The following HSPA12B variants were observed in gnomAD, a reference collection of about 807,000 sequenced individuals.
HSPA12B encodes the protein heat shock 70 kDa protein 12B.
A neutral mutation model predicts 69.3 loss-of-function variants in HSPA12B; 54 were observed. The ratio of observed to expected loss-of-function variants is 0.78; its 90% confidence interval spans 0.63 to 0.98. The LOEUF is 0.98. HSPA12B is among the 50% of genes least tolerant of loss of function. The pLI is 0.00. For missense variants in HSPA12B, 929 were observed against 999.8 expected (o/e 0.93, Z 0.96); for synonymous variants, 441 against 436.5 (o/e 1.01, Z -0.13).
intron 7 of HSPA12B, among the ~76,000 whole-genome samples, chr20:3,746,459 C>A (rs1460411718): frequency 2.6e-5 from 4 of 151,964 alleles, no homozygotes; most frequent in Non-Finnish European, 5.9e-5. Context: ...CCCGCCACCA[C>A]GCCCGGCTAA....
At position 3,750,869 on chromosome 20, in the gene HSPA12B, T is replaced by A; in HGVS notation, c.1367T>A (p.Leu456His). ...ATGTCTTGTGAAGCCATGAACGAGCTCTTTCAGCCCACCGTCAGCGGGATC... is the reference window on the plus strand; with the variant it reads ...ATGTCTTGTGAAGCCATGAACGAGCACTTTCAGCCCACCGTCAGCGGGATC... ...LRMSCEAMNELFQPTVSGIIQ... is the reference protein window; with the variant it reads ...LRMSCEAMNEHFQPTVSGIIQ... The change falls in exon 12 of 13, where the codon CTC becomes CAC. Residue 456 changes from leucine (L) to histidine (H), a missense_variant. By Grantham distance (99) the Leu-to-His change is moderately conservative. This residue lies in a region of HSPA12B where 448 missense variants were observed against 448.1 expected (regional missense o/e 1.00). Coordinates refer to ENST00000254963, the MANE Select transcript of HSPA12B (RefSeq NM_052970.5). The A allele has an allele frequency of 6.2e-7, 1 of 1,613,984 alleles. No homozygotes were observed. Among genetic ancestry groups the A allele is most frequent in the Non-Finnish European group, 8.5e-7 (1 of 1,180,018 alleles).
At chr20:3,743,820 C>T (rs913122888) in intron 4 of HSPA12B, among the ~76,000 whole-genome samples, 6 of 151,664 alleles carry the variant, frequency 4.0e-5, no homozygotes, top group African/African-American at 1.5e-4. Flanking sequence ...GGGTAGATTC[C>T]TAGAGGTGAT....
chr20:3,734,179 C>T (rs565413178), intron 1 of HSPA12B, among the ~76,000 whole-genome samples: 10 of 152,172 alleles, frequency 6.6e-5, no homozygotes, highest in Admixed American at 1.3e-4. Context: ...AAAAAAGGAG[C>T]GGGAGTGGGG....
chr20:3,746,597 C>T (rs533024607), intron 7 of HSPA12B, among the ~76,000 whole-genome samples: 2 of 151,810 alleles, frequency 1.3e-5, no homozygotes, highest in East Asian at 3.9e-4. Flanking sequence ...CCACCGCGCC[C>T]GGCCAAGATG....
chr20:3,752,764 G>A lies in HSPA12B; in HGVS notation c.*598G>A, dbSNP rs1312065049. 1 of 153,870 alleles carries A rather than the reference G, an allele frequency of 6.5e-6. No homozygotes were observed. The highest frequency in any genetic ancestry group is 2.4e-5 in the African/African-American group (1 of 41,446). 9.5% of individuals were successfully genotyped at this position (153,870 alleles called of 1,614,324 possible). On this transcript the variant is annotated 3_prime_UTR_variant, in exon 13 of 13. Coordinates refer to ENST00000254963, the MANE Select transcript of HSPA12B (RefSeq NM_052970.5). The stretch of plus-strand genomic sequence containing the variant: ...GAAAGGGCAGTAGATCTCTAATGTG[G>A]AGGTGGGAACATTATTGTGGTGGAG...
At chr20:3,743,963 AGTT>A (rs1254516551) in intron 4 of HSPA12B, among the ~76,000 whole-genome samples, 2 of 152,336 alleles carry the variant, frequency 1.3e-5, no homozygotes, top group Admixed American at 6.5e-5. Flanking sequence ...CAAGTCACAC[AGTT>A]GTTTTGAAAG....
At position 3,751,576 on chromosome 20, in the gene HSPA12B, G is replaced by C; in HGVS notation, c.1471G>C (p.Glu491Gln). ...KLLFLVGGFAESAVLQHAVQA... is the reference protein window; with the variant it reads ...KLLFLVGGFAQSAVLQHAVQA... ...GCTGTTCCTAGTGGGCGGCTTCGCC[G>C]AGTCAGCGGTGCTGCAGCACGCGGT... Residue 491 changes from glutamate (E) to glutamine (Q), a missense_variant, in exon 13 of 13, where the codon GAG becomes CAG. Coordinates refer to ENST00000254963, the MANE Select transcript of HSPA12B (RefSeq NM_052970.5). 3 of 1,497,070 alleles carry C rather than the reference G, an allele frequency of 2.0e-6. No individual in the cohort carries two copies. Among genetic ancestry groups the C allele is most frequent in the Non-Finnish European group, 8.9e-7 (1 of 1,125,678 alleles). The allele number at this position is 1,497,070 out of a possible 1,614,324, so 92.7% of individuals were successfully genotyped here.
chr20:3,748,313 C>A lies in HSPA12B; in HGVS notation c.772C>A (p.Leu258Ile). 6.2e-7 allele frequency: 1 copy of A among 1,611,840 alleles called. No homozygotes were observed. The highest frequency in any genetic ancestry group is 8.5e-7 in the Non-Finnish European group (1 of 1,179,100). Residue 258 changes from leucine to isoleucine, a missense_variant, in exon 8 of 13, where the codon CTC (leucine) becomes ATC (isoleucine). This residue lies in a region of HSPA12B where 477 missense variants were observed against 535.2 expected (regional missense o/e 0.89). Transcript: ENST00000254963. ...VYCRKLRLHQ[L>I]LDLSGRAPGG... The stretch of plus-strand genomic sequence containing the variant: ...CTGCCGCAAGCTGCGCCTGCACCAG[C>A]TCCTGGACCTGAGTGGCCGGGCCCC...
intron 7 of HSPA12B, among the ~76,000 whole-genome samples, chr20:3,747,868 G>T (rs1437192504): frequency 5.3e-5 from 8 of 152,242 alleles, no homozygotes; most frequent in African/African-American, 1.4e-4. Context: ...GCGCTCAGCT[G>T]GCCGCTTGTA....
In HSPA12B at chr20:3,750,243, G is replaced by C. The variant is rs1249209911; in HGVS notation, c.1301+16G>C. 6.4e-7 allele frequency: 1 copy of C among 1,570,932 alleles called. No individual in the cohort carries two copies. The highest frequency in any genetic ancestry group is 8.7e-7 in the Non-Finnish European group (1 of 1,154,168). On this transcript the variant is annotated intron_variant, in intron 11 of 12. Coordinates refer to ENST00000254963, the MANE Select transcript of HSPA12B (RefSeq NM_052970.5). ...GCAGGAGCAGGTGGGTCCTGAGCCCGCGGGCTCAGGCAGGGTTTGCCGACC... is the reference window on the plus strand; with the variant it reads ...GCAGGAGCAGGTGGGTCCTGAGCCCCCGGGCTCAGGCAGGGTTTGCCGACC...
chr20:3,745,969 T>C lies in HSPA12B; in HGVS notation c.613T>C (p.Leu205=), dbSNP rs1170749675. The part of the protein sequence containing the change: ...LPEKDTVRWV[L]TVPAIWKQPA... ...AGAGAAGGACACTGTGCGCTGGGTG[T>C]TGACGGTGCCTGCCATCTGGAAACA... Residue 205 remains leucine (L), a synonymous_variant, in exon 7 of 13, where the codon TTG becomes CTG. Transcript: ENST00000254963. The surrounding 1 kb of genome is among the most constrained non-coding windows in gnomAD (Gnocchi z 5.6). The C allele has an allele frequency of 1.2e-6, 2 of 1,613,902 alleles. No individual in the cohort carries two copies. Among genetic ancestry groups the C allele is most frequent in the African/African-American group, 2.7e-5 (2 of 74,922 alleles).
Position 3,743,528 on chromosome 20 carries a change from A to G in HSPA12B, c.266+1120A>G, listed in dbSNP as rs1393172195. On this transcript the variant is annotated intron_variant, in intron 4 of 12. Transcript: ENST00000254963. ...TATTTTTCTAAGCTTGTAGACAAAC[A>G]CACACATATACAAACATATATGTGT... 2.0e-5 allele frequency among the ~76,000 whole-genome samples: 3 copies of G among 152,178 alleles called. No homozygotes were observed. The East Asian group carries it at 5.8e-4, about 29-fold the overall frequency.
Position 3,745,941 on chromosome 20 carries a change from G to C in HSPA12B, c.585G>C (p.Leu195=), listed in dbSNP as rs780943685. 1 of 1,614,100 alleles carries C rather than the reference G, an allele frequency of 6.2e-7. No homozygotes were observed. The highest frequency in any genetic ancestry group is 8.5e-7 in the Non-Finnish European group (1 of 1,180,006). The part of the protein sequence containing the change: ...LQELREQSPS[L]PEKDTVRWVL... Reference sequence around the variant, plus strand: ...AGCTGAGGGAGCAGAGCCCATCGCTGCCAGAGAAGGACACTGTGCGCTGGG... The same window carrying C: ...AGCTGAGGGAGCAGAGCCCATCGCTCCCAGAGAAGGACACTGTGCGCTGGG... Residue 195 remains leucine, a synonymous_variant, in exon 7 of 13, where the codon CTG becomes CTC. Coordinates refer to ENST00000254963, the MANE Select transcript of HSPA12B (RefSeq NM_052970.5). The surrounding 1 kb of genome is among the most constrained non-coding windows in gnomAD (Gnocchi z 5.6).
Position 3,750,814 on chromosome 20 carries a change from G to C in HSPA12B, c.1312G>C (p.Val438Leu). The change falls in exon 12 of 13, where the codon GTG becomes CTG. Residue 438 changes from valine to leucine, a missense_variant. Transcript: ENST00000254963. ...TTTCACCACCAACAGCGTGAACTTC[G>C]TGAAGTGGTCCTCACAGGGGATGCT... ...TALRRSSVNF[V>L]KWSSQGMLRM... 2 of 1,613,878 alleles carry C rather than the reference G, an allele frequency of 1.2e-6. No homozygotes were observed. Among genetic ancestry groups the C allele is most frequent in the Non-Finnish European group, 8.5e-7 (1 of 1,180,030 alleles).
Position 3,750,905 on chromosome 20 carries a change from T to C in HSPA12B, c.1403T>C (p.Ile468Thr). The change falls in exon 12 of 13, where the codon ATA becomes ACA. Residue 468 changes from isoleucine (I) to threonine (T), a missense_variant and splice_region_variant. By Grantham distance (89) the Ile-to-Thr change is moderately conservative. Around this residue, in one of 3 missense-constraint regions of HSPA12B, gnomAD observed 448 missense variants for 448.1 expected, o/e 1.00. Coordinates refer to ENST00000254963, the MANE Select transcript of HSPA12B (RefSeq NM_052970.5). ...QPTVSGIIQH[I>T]EALLARPEVQ... is the part of the protein sequence containing the mutation. ...ACCGTCAGCGGGATCATCCAGCACA[T>C]AGGTGAGCACCTGAGCTTGGTCCCC... 2 of 1,613,786 alleles carry C rather than the reference T, an allele frequency of 1.2e-6. No homozygotes were observed. Among genetic ancestry groups the C allele is most frequent in the Non-Finnish European group, 1.7e-6 (2 of 1,179,868 alleles).
At chr20:3,739,635 T>C (rs1479423227) in intron 2 of HSPA12B, among the ~76,000 whole-genome samples, 1 of 152,100 alleles carries the variant, frequency 6.6e-6, no homozygotes, top group Non-Finnish European at 1.5e-5. Flanking sequence ...ATGTGGCCAC[T>C]TTTTCCCTGC....
At position 3,738,701 on chromosome 20, in the gene HSPA12B, G is replaced by C. The variant is rs1489224493; in HGVS notation, c.27G>C (p.Leu9=). The C allele has an allele frequency of 6.2e-7, 1 of 1,614,030 alleles. No homozygotes were observed. The highest frequency in any genetic ancestry group is 2.2e-5 in the East Asian group (1 of 44,880). Residue 9 remains leucine, a synonymous_variant, in exon 2 of 13, where the codon CTG becomes CTC. Coordinates refer to ENST00000254963, the MANE Select transcript of HSPA12B (RefSeq NM_052970.5). The stretch of plus-strand genomic sequence containing the variant: ...TGTTGGCTGTCCCGGAGATGGGCCT[G>C]CAGGGGCTGTACATCGGTAAGAACC... The part of the protein sequence containing the change: MLAVPEMG[L]QGLYIGSSPE...
At chr20:3,735,754 C>T (rs541889902) in intron 1 of HSPA12B, among the ~76,000 whole-genome samples, 16 of 152,238 alleles carry the variant, frequency 1.1e-4, no homozygotes, top group Middle Eastern at 3.4e-3. Context: ...GAGTGAGCCA[C>T]GGCGCCCGGC....
rs1162052945 is a variant in HSPA12B, at chr20:3,737,103, AATAT to A, written c.-17-1554_-17-1551del. Among the ~76,000 whole-genome samples, 703 of 131,506 alleles carry A rather than the reference AATAT, an allele frequency of 5.3e-3. 4 individuals carry two copies. Among genetic ancestry groups the A allele is most frequent in the South Asian group, 0.046 (193 of 4,188 alleles). 86.3% of individuals were successfully genotyped at this position (131,506 alleles called of 152,430 possible). On this transcript the variant is annotated intron_variant, in intron 1 of 12. Coordinates refer to ENST00000254963, the MANE Select transcript of HSPA12B (RefSeq NM_052970.5). This position sits in a 1 kb window ranked among gnomAD's most constrained non-coding sequence, Gnocchi z 4.1. ...AAATAAATAAATAAATAAATAAATA[AATAT>A]GAAATACATGTTCTGATTCAGCAGG...
Sources: allele counts gnomAD v4.1 joint callset (sites outside exome capture counted in the v4.1 genomes callset), GRCh38; gene constraint gnomAD v4.1.1; regional missense constraint gnomAD v4.1.1; non-coding constraint Gnocchi (gnomAD v3.1); transcripts MANE v1.5; gene names NCBI Gene and HGNC (gene_info 2026-07-23, HGNC 2026-07-21).